The following SLC24A2 variants were observed in gnomAD, a reference collection of about 807,000 sequenced individuals.
SLC24A2 encodes the protein solute carrier family 24 member 2.
A neutral mutation model predicts 62.0 loss-of-function variants in SLC24A2; 36 were observed. The ratio of observed to expected loss-of-function variants is 0.58; its 90% confidence interval spans 0.44 to 0.77. SLC24A2 has a LOEUF of 0.77. Among genes scored for constraint, SLC24A2 ranks in the 30% least tolerant of loss-of-function variants. SLC24A2 has a pLI of 0.00. For missense variants in SLC24A2, 846 were observed against 817.9 expected (o/e 1.03, Z -0.42); for synonymous variants, 358 against 294.0 (o/e 1.22, Z -2.23).
chr9:20,105,942 A>C, the SLC24A2 span, among the ~76,000 whole-genome samples: 1 of 152,108 alleles, frequency 6.6e-6, no homozygotes, highest in African/African-American at 2.4e-5. Flanking sequence ...AAAATTGATA[A>C]ACCGCTGGCA....
the SLC24A2 span, among the ~76,000 whole-genome samples, chr9:19,858,599 C>G: frequency 6.6e-6 from 1 of 152,054 alleles, no homozygotes; most frequent in Non-Finnish European, 1.5e-5. Context: ...AAGTATGCAT[C>G]TGATAAAGGT....
intron 8 of SLC24A2, among the ~76,000 whole-genome samples, chr9:19,546,452 C>G (rs1834576312): frequency 1.3e-5 from 2 of 152,120 alleles, no homozygotes; most frequent in Admixed American, 1.3e-4. Flanking sequence ...GGGCTCCACC[C>G]AGTTTGAACT....
chr9:19,891,807 G>C, the SLC24A2 span, among the ~76,000 whole-genome samples: 4 of 152,026 alleles, frequency 2.6e-5, no homozygotes, highest in African/African-American at 9.7e-5. Context: ...AACTAAGAGA[G>C]CAAGAACTCA....
intron 7 of SLC24A2, among the ~76,000 whole-genome samples, chr9:19,564,126 T>C (rs1835551839): frequency 6.6e-6 from 1 of 152,004 alleles, no homozygotes; most frequent in Non-Finnish European, 1.5e-5. Context: ...AAAACTGGGA[T>C]TGATTACAGG....
the SLC24A2 span, among the ~76,000 whole-genome samples, chr9:20,160,714 T>C: frequency 3.3e-5 from 5 of 151,100 alleles, no homozygotes; most frequent in South Asian, 1.0e-3. Context: ...AAAATAATGA[T>C]GATAAAAACC....
chr9:19,712,202 G>A (rs1820734824), intron 2 of SLC24A2, among the ~76,000 whole-genome samples: 1 of 152,176 alleles, frequency 6.6e-6, no homozygotes, highest in African/African-American at 2.4e-5. Context: ...ATGGCTGTTA[G>A]GAATGTGATG....
At chr9:20,306,329 C>T in the SLC24A2 span, among the ~76,000 whole-genome samples, 1 of 152,150 alleles carries the variant, frequency 6.6e-6, no homozygotes, top group Non-Finnish European at 1.5e-5. Flanking sequence ...TGAACAACAA[C>T]AACAACAACA....
chr9:20,157,890 G>A, the SLC24A2 span, among the ~76,000 whole-genome samples: 2 of 151,384 alleles, frequency 1.3e-5, no homozygotes, highest in Non-Finnish European at 3.0e-5. Context: ...TAGAAATCCT[G>A]TCCACAAAAT....
chr9:19,612,848 AAAAC>A (rs1266390599), intron 4 of SLC24A2, among the ~76,000 whole-genome samples: 1 of 152,194 alleles, frequency 6.6e-6, no homozygotes, highest in East Asian at 1.9e-4. Context: ...CCTGTTTCTA[AAAAC>A]AAACAAAAAC....
At chr9:20,181,541 T>C in the SLC24A2 span, among the ~76,000 whole-genome samples, 31 of 152,182 alleles carry the variant, frequency 2.0e-4, no homozygotes, top group Admixed American at 3.3e-4. Context: ...GGGGAAAGGA[T>C]TGCCTATTTA....
At chr9:19,625,063 G>A (rs1817999763) in intron 2 of SLC24A2, among the ~76,000 whole-genome samples, 1 of 152,120 alleles carries the variant, frequency 6.6e-6, no homozygotes, top group African/African-American at 2.4e-5. Flanking sequence ...TATTTTCAAG[G>A]CCATTAAATA....
chr9:19,693,303 T>C (rs969477318), intron 2 of SLC24A2, among the ~76,000 whole-genome samples: 3 of 152,274 alleles, frequency 2.0e-5, no homozygotes, highest in East Asian at 1.9e-4. Context: ...TATCCATCAA[T>C]GGTTTGTCTA....
the SLC24A2 span, among the ~76,000 whole-genome samples, chr9:20,033,745 A>G: frequency 2.0e-5 from 3 of 152,044 alleles, no homozygotes; most frequent in Non-Finnish European, 4.4e-5. Flanking sequence ...AAGGGGAGGA[A>G]CCCTTACTTG....
chr9:19,991,665 A>G, the SLC24A2 span, among the ~76,000 whole-genome samples: 7 of 152,286 alleles, frequency 4.6e-5, no homozygotes, highest in African/African-American at 1.7e-4. Context: ...CTACCATCCT[A>G]TACTGTCCTA....
the SLC24A2 span, among the ~76,000 whole-genome samples, chr9:20,006,712 G>A: frequency 1.3e-4 from 20 of 152,062 alleles, no homozygotes; most frequent in Non-Finnish European, 2.8e-4. Context: ...CATGACACCA[G>A]ACTACCATGC....
chr9:20,143,561 GT>G, the SLC24A2 span, among the ~76,000 whole-genome samples: 1 of 152,128 alleles, frequency 6.6e-6, no homozygotes, highest in East Asian at 1.9e-4. Context: ...CACAGACTGT[GT>G]TTTATACTTT....
At chr9:19,594,036 G>T (rs779646231) in intron 5 of SLC24A2, among the ~76,000 whole-genome samples, 4 of 151,906 alleles carry the variant, frequency 2.6e-5, no homozygotes, top group Non-Finnish European at 5.9e-5. Flanking sequence ...TAGCCTAGTA[G>T]TTCACCCTTC....
At chr9:20,299,065 A>G in the SLC24A2 span, among the ~76,000 whole-genome samples, 1 of 152,328 alleles carries the variant, frequency 6.6e-6, no homozygotes. Flanking sequence ...GCAGAGAAGG[A>G]CAATTTGAGG....
At chr9:19,948,148 C>G in the SLC24A2 span, among the ~76,000 whole-genome samples, 1 of 152,208 alleles carries the variant, frequency 6.6e-6, no homozygotes, top group African/African-American at 2.4e-5. Context: ...ATAACCTGCA[C>G]AAGTGACTGG....
Sources: gnomAD v4.1 joint callset for allele counts (sites outside exome capture counted in the v4.1 genomes callset) on GRCh38, gnomAD v4.1.1 for gene constraint, MANE v1.5 for transcripts, NCBI Gene and HGNC (gene_info 2026-07-23, HGNC 2026-07-21) for gene names.